The following MYLK variants were observed in gnomAD, a reference collection of about 807,000 sequenced individuals.
The protein encoded by MYLK is myosin light chain kinase, smooth muscle.
MYLK carries 106 observed loss-of-function variants against 203.4 expected under a neutral mutation model. The observed-to-expected ratio is 0.52, with a 90% CI of 0.45 to 0.61. The LOEUF is 0.61. Ranked by LOEUF, MYLK falls within the 20% of genes least tolerant of loss-of-function variation. The pLI, the probability that MYLK is intolerant of heterozygous loss-of-function variation, is 0.00. For synonymous variants in MYLK, 867 were observed against 959.5 expected (o/e 0.90, Z 1.78); for missense variants, 2,072 against 2,442.3 (o/e 0.85, Z 3.20).
intron 20 of MYLK, among the ~76,000 whole-genome samples, chr3:123,672,466 C>A (rs113328542): frequency 6.6e-6 from 1 of 151,976 alleles, no homozygotes; most frequent in Non-Finnish European, 1.5e-5. Context: ...ACTAATATAG[C>A]TGTGGATGGG....
At chr3:123,678,642 AACACACACACAAAC>A (rs1246399507) in intron 20 of MYLK, among the ~76,000 whole-genome samples, 2 of 151,840 alleles carry the variant, frequency 1.3e-5, no homozygotes, top group Admixed American at 1.3e-4. Flanking sequence ...GACACAGAGG[AACACACACACAAAC>A]ACACACACAC....
At position 123,793,792 on chromosome 3, in the gene MYLK, A is replaced by T; in HGVS notation, c.50T>A (p.Leu17His). 4.3e-6 allele frequency: 7 copies of T among 1,614,184 alleles called. No individual in the cohort carries two copies. Among genetic ancestry groups the T allele is most frequent in the Non-Finnish European group, 5.9e-6 (7 of 1,180,040 alleles). ...VASSHISKTS[L>H]SVDPSRVDSM... ...GTCAACTCTTGAGGGATCCACACTG[A>T]GGGAGGTTTTGGAAATGTGTGACGA... Residue 17 changes from leucine to histidine, a missense_variant, in exon 4 of 34, where the codon CTC (leucine) becomes CAC (histidine). Transcript: ENST00000360304.
rs138218537 is a variant in MYLK at position 123,612,281 on chromosome 3, A to G, written c.*1824T>C. 3.7e-3 allele frequency: 565 copies of G among 152,796 alleles called. 2 individuals carry two copies. Among genetic ancestry groups the G allele is most frequent in the Non-Finnish European group, 5.1e-3 (348 of 68,036 alleles). The allele number at this position is 152,796 out of a possible 1,614,324, so 9.5% of individuals were successfully genotyped here. ...TACAACTGGTAGCATGGAAAGAAAGAGAAGTCTGCAAAGATTGAACAAACA... is the reference window on the plus strand; with the variant it reads ...TACAACTGGTAGCATGGAAAGAAAGGGAAGTCTGCAAAGATTGAACAAACA... On this transcript the variant is annotated 3_prime_UTR_variant, in exon 34 of 34. Transcript: ENST00000360304.
intron 29 of MYLK, 43 bp downstream of exon 29, chr3:123,638,028 C>G: frequency 6.2e-7 from 1 of 1,612,448 alleles, no homozygotes; most frequent in Non-Finnish European, 8.5e-7. Flanking sequence ...ACCCACTGGT[C>G]CACCAAGTGG....
intron 31 of MYLK, among the ~76,000 whole-genome samples, chr3:123,626,563 C>T (rs536266267): frequency 1.3e-5 from 2 of 152,278 alleles, no homozygotes; most frequent in South Asian, 4.1e-4. Context: ...GTTTACGGTC[C>T]CCTGGGGCAA....
chr3:123,778,443 G>T (rs901282720), intron 4 of MYLK, among the ~76,000 whole-genome samples: 1 of 151,544 alleles, frequency 6.6e-6, no homozygotes, highest in Admixed American at 6.6e-5. Flanking sequence ...AACCCGGGAG[G>T]TGGAGCTTGC....
At chr3:123,867,307 ACCTCTGGT>A (rs1440754372) in intron 2 of MYLK, among the ~76,000 whole-genome samples, 1 of 151,568 alleles carries the variant, frequency 6.6e-6, no homozygotes, top group African/African-American at 2.4e-5. Flanking sequence ...TGAAGTCCTA[ACCTCTGGT>A]ACCTGTGAAT....
intron 4 of MYLK, among the ~76,000 whole-genome samples, chr3:123,783,077 G>GGCA (rs1364406605): frequency 6.6e-6 from 1 of 151,820 alleles, no homozygotes; most frequent in East Asian, 1.9e-4. Context: ...TGATGTGTTT[G>GGCA]TATAATAATC....
intron 2 of MYLK, among the ~76,000 whole-genome samples, chr3:123,834,991 T>A (rs2066439594): frequency 6.6e-6 from 1 of 152,212 alleles, no homozygotes; most frequent in Non-Finnish European, 1.5e-5. Flanking sequence ...ACTATAAGCA[T>A]GCCCATGGAA....
Position 123,667,194 on chromosome 3 carries a change from C to T in MYLK, c.3653-7G>A, listed in dbSNP as rs1560043189. The T allele has an allele frequency of 1.2e-6, 2 of 1,613,926 alleles. No individual in the cohort carries two copies. The highest frequency in any genetic ancestry group is 2.7e-5 in the African/African-American group (2 of 74,918). ...TTTTTCACAGTCGCATCACCTGAAA[C>T]AAAGAAGTTCACAAGTTATTTCCTG... On this transcript the variant is annotated splice_region_variant and splice_polypyrimidine_tract_variant and intron_variant, in intron 20 of 33. Transcript: ENST00000360304.
intron 2 of MYLK, among the ~76,000 whole-genome samples, chr3:123,866,926 G>T (rs561827147): frequency 1.6e-4 from 24 of 152,254 alleles, no homozygotes; most frequent in African/African-American, 5.3e-4. Context: ...CTTAACCTGA[G>T]ATCTGCATGT....
intron 26 of MYLK, 84 bp from the exon 27 acceptor site, chr3:123,647,511 GA>G: frequency 8.4e-7 from 1 of 1,188,608 alleles, no homozygotes; most frequent in Non-Finnish European, 1.2e-6. Context: ...TGGCCCATGG[GA>G]CAGATCTGGC....
At chr3:123,677,080 C>G (rs547947260) in intron 20 of MYLK, among the ~76,000 whole-genome samples, 2 of 152,154 alleles carry the variant, frequency 1.3e-5, no homozygotes, top group East Asian at 3.9e-4. Context: ...TCCCCTAAAC[C>G]TGTATGCTTA....
rs982958942 is a variant in MYLK at position 123,657,346 on chromosome 3, T to G, written c.4068A>C (p.Ser1356=). The change falls in exon 24 of 34, where the codon TCA becomes TCC. Residue 1356 remains serine, a synonymous_variant. Transcript: ENST00000360304. ...SSLTLSWYGS[S]YDGGSAVQSY... is the part of the protein sequence containing the mutation. ...ACTGTACAGCACTGCCCCCATCATA[T>G]GAGGAGCCATACCAGGACAGGGTCA... 4 of 1,614,014 alleles carry G rather than the reference T, an allele frequency of 2.5e-6. No individual in the cohort carries two copies. The highest frequency in any genetic ancestry group is 1.3e-5 in the African/African-American group (1 of 74,914).
At chr3:123,747,585 G>A (rs2063059912) in intron 5 of MYLK, among the ~76,000 whole-genome samples, 1 of 152,182 alleles carries the variant, frequency 6.6e-6, no homozygotes, top group South Asian at 2.1e-4. Context: ...TCCAAGAGTG[G>A]TCTGTGGACC....
At chr3:123,871,098 G>C (rs544692875) in intron 2 of MYLK, among the ~76,000 whole-genome samples, 4 of 152,134 alleles carry the variant, frequency 2.6e-5, no homozygotes, top group African/African-American at 9.6e-5. Flanking sequence ...GAAGCCTCAG[G>C]GCTCCCTGCT....
chr3:123,679,305 C>CA (rs58401553), intron 20 of MYLK, among the ~76,000 whole-genome samples: 5,346 of 76,442 alleles, frequency 0.07, 132 homozygotes, highest in Non-Finnish European at 0.087. Flanking sequence ...GACTCTGTCT[C>CA]AAAAAAAAAA....
intron 11 of MYLK, among the ~76,000 whole-genome samples, chr3:123,727,833 TA>T (rs1340936688): frequency 6.6e-6 from 1 of 152,174 alleles, no homozygotes; most frequent in Non-Finnish European, 1.5e-5. Flanking sequence ...AAATCATTGT[TA>T]GATCAGATCC....
chr3:123,855,622 G>A (rs565706215), intron 2 of MYLK, among the ~76,000 whole-genome samples: 3 of 151,896 alleles, frequency 2.0e-5, no homozygotes, highest in Admixed American at 6.6e-5. Context: ...CTTGGTGATA[G>A]AGTGAGACCC....
Sources: allele counts gnomAD v4.1 joint callset (sites outside exome capture counted in the v4.1 genomes callset), GRCh38; gene constraint gnomAD v4.1.1; transcripts MANE v1.5; gene names NCBI Gene and HGNC (gene_info 2026-07-23, HGNC 2026-07-21).